SCAPER: variants seen among roughly 807,000 people sequenced by gnomAD.
SCAPER encodes S phase cyclin A-associated protein in the endoplasmic reticulum.
SCAPER carries 98 observed loss-of-function variants against 182.2 expected under a neutral mutation model. The observed-to-expected ratio is 0.54, with a 90% confidence interval of 0.46 to 0.64. The LOEUF is 0.64. Ranked by LOEUF, SCAPER falls within the 30% of genes least tolerant of loss-of-function variation. The probability of loss-of-function intolerance (pLI) is 0.00; values close to 1 mark genes in which losing one functional copy is unlikely to be tolerated. For missense variants in SCAPER, 1,432 were observed against 1,690.0 expected (o/e 0.85, Z 2.68); for synonymous variants, 605 against 564.6 (o/e 1.07, Z -1.01).
chr15:76,744,245 G>C (rs1476791162), intron 15 of SCAPER, among the ~76,000 whole-genome samples: 1 of 151,990 alleles, frequency 6.6e-6, no homozygotes, highest in Admixed American at 6.6e-5. Context: ...AATTTTGGCT[G>C]TATCTCCAAA....
At chr15:76,617,065 T>A (rs1483264849) in intron 22 of SCAPER, among the ~76,000 whole-genome samples, 2 of 152,174 alleles carry the variant, frequency 1.3e-5, no homozygotes, top group African/African-American at 2.4e-5. Flanking sequence ...TTGATTTATA[T>A]ATTACATGAG....
chr15:76,802,264 C>T (rs780746089), intron 6 of SCAPER, among the ~76,000 whole-genome samples: 6 of 152,200 alleles, frequency 3.9e-5, no homozygotes, highest in South Asian at 2.1e-4. Context: ...GGATTAGACC[C>T]GGTATAGGCT....
At chr15:76,446,591 A>C (rs1235506596) in intron 25 of SCAPER, among the ~76,000 whole-genome samples, 1 of 152,196 alleles carries the variant, frequency 6.6e-6, no homozygotes, top group Non-Finnish European at 1.5e-5. Flanking sequence ...TCTTCAGGCA[A>C]GCTCAATAGA....
intron 23 of SCAPER, among the ~76,000 whole-genome samples, chr15:76,525,212 T>C (rs1000771179): frequency 1.3e-5 from 2 of 152,172 alleles, no homozygotes; most frequent in Non-Finnish European, 2.9e-5. Flanking sequence ...TAATTTTGAT[T>C]CATAGGATTA....
chr15:76,364,426 T>C (rs923546992), intron 29 of SCAPER, among the ~76,000 whole-genome samples: 3 of 151,870 alleles, frequency 2.0e-5, no homozygotes, highest in Admixed American at 2.0e-4. Context: ...AAAAAGCCAG[T>C]AGTTGGGGGC....
At chr15:76,466,419 C>CTTTTTTTTTT in intron 25 of SCAPER, among the ~76,000 whole-genome samples, 835 of 37,238 alleles carry the variant, frequency 0.022, 36 homozygotes, top group Middle Eastern at 0.042. Context: ...GTTGGTTCTT[C>CTTTTTTTTTT]TTTTTTTTTT....
At chr15:76,662,064 A>G (rs2056225941) in intron 21 of SCAPER, among the ~76,000 whole-genome samples, 1 of 152,236 alleles carries the variant, frequency 6.6e-6, no homozygotes, top group Non-Finnish European at 1.5e-5. Flanking sequence ...CATCATCCTC[A>G]GCGAACTAAT....
intron 26 of SCAPER, among the ~76,000 whole-genome samples, chr15:76,405,638 CCA>C (rs2044775026): frequency 6.6e-6 from 1 of 152,176 alleles, no homozygotes; most frequent in Non-Finnish European, 1.5e-5. Context: ...TTTTATTAAT[CCA>C]CAGAGCAGCA....
chr15:76,680,506 T>G (rs913040142), intron 20 of SCAPER, among the ~76,000 whole-genome samples: 14 of 152,066 alleles, frequency 9.2e-5, no homozygotes, highest in Admixed American at 6.5e-4. Context: ...ATACCTTGGA[T>G]GCTTGTCCAC....
At chr15:76,469,758 A>T (rs989882661) in intron 25 of SCAPER, among the ~76,000 whole-genome samples, 2 of 152,144 alleles carry the variant, frequency 1.3e-5, no homozygotes, top group African/African-American at 4.8e-5. Context: ...CATCTGTGAA[A>T]TGGAATAGTA....
At position 76,707,307 on chromosome 15, in the gene SCAPER, C is replaced by T. The variant is rs570251412; in HGVS notation, c.2166-1323G>A. Reference sequence around the variant, plus strand: ...ACCAATAATTACATCAAATGAGAATCGACTAAACATTCCAATCAAAAGGCA... The same window carrying T: ...ACCAATAATTACATCAAATGAGAATTGACTAAACATTCCAATCAAAAGGCA... On this transcript the variant is annotated intron_variant, in intron 17 of 31. Coordinates refer to ENST00000563290, the MANE Select transcript of SCAPER (RefSeq NM_020843.4). Among the ~76,000 whole-genome samples the T allele has an allele frequency of 2.2e-4, 34 of 151,914 alleles. No homozygotes were observed. In the South Asian group the frequency reaches 6.2e-3, roughly 28 times the overall value.
At chr15:76,784,239 T>C (rs1454880466) in intron 8 of SCAPER, among the ~76,000 whole-genome samples, 1 of 150,858 alleles carries the variant, frequency 6.6e-6, no homozygotes, top group Non-Finnish European at 1.5e-5. Context: ...TATACACCAA[T>C]AACAGACAAA....
intron 2 of SCAPER, among the ~76,000 whole-genome samples, chr15:76,863,811 C>T (rs969743734): frequency 6.6e-6 from 1 of 152,130 alleles, no homozygotes; most frequent in Non-Finnish European, 1.5e-5. Flanking sequence ...TCATCAGAAG[C>T]TTTGCAGCCT....
intron 22 of SCAPER, among the ~76,000 whole-genome samples, chr15:76,609,101 G>A (rs917077589): frequency 2.8e-4 from 42 of 152,150 alleles, no homozygotes; most frequent in African/African-American, 8.9e-4. Flanking sequence ...GAAATCATCC[G>A]TCTTCTGCGT....
chr15:76,765,102 A>T (rs761028417), intron 13 of SCAPER, 30 bp from the exon 14 acceptor site: 2 of 1,445,006 alleles, frequency 1.4e-6, no homozygotes, highest in Non-Finnish European at 1.9e-6. Flanking sequence ...GACAAGAGAC[A>T]TGAAATGTTT....
intron 21 of SCAPER, among the ~76,000 whole-genome samples, chr15:76,658,045 G>A (rs1004225315): frequency 1.3e-5 from 2 of 152,060 alleles, no homozygotes; most frequent in East Asian, 3.9e-4. Flanking sequence ...ATTCAGCATA[G>A]TACTGGAAAT....
In SCAPER at chr15:76,594,454, T is replaced by C. The variant is rs1456513476; in HGVS notation, c.2712-20170A>G. The stretch of plus-strand genomic sequence containing the variant: ...CCAACCTAGCAAGAAAGGCCAACAC[T>C]GAAATTCAGGAATTACAGAGAATGC... On this transcript the variant is annotated intron_variant, in intron 22 of 31. Coordinates refer to ENST00000563290, the MANE Select transcript of SCAPER (RefSeq NM_020843.4). Among the ~76,000 whole-genome samples the C allele has an allele frequency of 1.6e-5, 2 of 121,256 alleles. 1 individual carries two copies. Among genetic ancestry groups the C allele is most frequent in the East Asian group, 4.4e-4 (2 of 4,516 alleles). 79.5% of individuals were successfully genotyped at this position (121,256 alleles called of 152,430 possible).
intron 15 of SCAPER, among the ~76,000 whole-genome samples, chr15:76,746,408 CTACACTTAACATCATA>C (rs144989831): frequency 0.019 from 2,935 of 152,286 alleles, 38 homozygotes; most frequent in Middle Eastern, 0.031. Context: ...TATGAAAACT[CTACACTTAACATCATA>C]CTTGATGAAA....
intron 15 of SCAPER, among the ~76,000 whole-genome samples, chr15:76,751,729 G>T (rs559686594): frequency 6.6e-6 from 1 of 151,588 alleles, no homozygotes; most frequent in African/African-American, 2.4e-5. Flanking sequence ...AAATTAACTC[G>T]AAATGGATCA....
Sources: allele counts gnomAD v4.1 joint callset (sites outside exome capture counted in the v4.1 genomes callset), GRCh38; gene constraint gnomAD v4.1.1; transcripts MANE v1.5; gene names NCBI Gene and HGNC (gene_info 2026-07-23, HGNC 2026-07-21).